The following IRGC variants were observed in gnomAD, a reference collection of about 807,000 sequenced individuals.
IRGC encodes immunity related GTPase cinema, also known as interferon-inducible GTPase 5.
IRGC carries 4 observed loss-of-function variants against 16.1 expected under a neutral mutation model. The ratio of observed to expected loss-of-function variants is 0.25; its 90% CI spans 0.12 to 0.57. IRGC has a LOEUF of 0.57. Ranked by LOEUF, IRGC falls within the 20% of genes least tolerant of loss-of-function variation. IRGC has a pLI of 0.92. For missense variants in IRGC, 570 were observed against 643.9 expected, an observed-to-expected ratio of 0.89 and a Z score of 1.24; for synonymous variants, 307 against 299.5, an observed-to-expected ratio of 1.03 and a Z score of -0.26.
At chr19:43,716,511 T>C (rs997765258) in intron 1 of IRGC, among the ~76,000 whole-genome samples, 5 of 152,152 alleles carry the variant, frequency 3.3e-5, no homozygotes, top group African/African-American at 1.2e-4. Flanking sequence ...CTAATTTTTG[T>C]ATTTTTAGTG....
intron 1 of IRGC, 39 bp from the exon 2 acceptor site, chr19:43,718,454 A>T: frequency 3.4e-6 from 5 of 1,485,872 alleles, no homozygotes; most frequent in Non-Finnish European, 4.5e-6. Flanking sequence ...CCCCATGCCA[A>T]GGCCCAGGAG....
Position 43,719,644 on chromosome 19 carries a change from G to A in IRGC, c.1086G>A (p.Glu362=). The part of the protein sequence containing the change: ...DGAMRVARAF[E]RGIPVFGTLV... Reference sequence around the variant, plus strand: ...CCATGCGGGTGGCCCGCGCCTTTGAGAGGGGCATCCCTGTGTTTGGGACGC... The same window carrying A: ...CCATGCGGGTGGCCCGCGCCTTTGAAAGGGGCATCCCTGTGTTTGGGACGC... Residue 362 remains glutamate (E), a synonymous_variant, in exon 2 of 2, where the codon GAG becomes GAA. Transcript: ENST00000244314. 1 of 1,607,442 alleles carries A rather than the reference G, an allele frequency of 6.2e-7. No individual in the cohort carries two copies. The highest frequency in any genetic ancestry group is 8.5e-7 in the Non-Finnish European group (1 of 1,179,964).
Position 43,718,399 on chromosome 19 carries a change from T to C in IRGC, c.-66-94T>C, listed in dbSNP as rs561223815. Reference sequence around the variant, plus strand: ...TTGAAGGAAAAAGAGAGCTGTGGGCTTCCAGGGCGACTCCCTTCACATCCG... The same window carrying C: ...TTGAAGGAAAAAGAGAGCTGTGGGCCTCCAGGGCGACTCCCTTCACATCCG... On this transcript the variant is annotated intron_variant, in intron 1 of 1. Coordinates refer to ENST00000244314, the MANE Select transcript of IRGC (RefSeq NM_019612.4). The C allele has an allele frequency of 4.5e-5, 62 of 1,369,936 alleles. No homozygotes were observed. The East Asian group carries it at 1.6e-3, about 35-fold the overall frequency. The allele number at this position is 1,369,936 out of a possible 1,614,324, so 84.9% of individuals were successfully genotyped here. A position where few individuals can be genotyped will look rare whatever the true frequency, so the allele number is the denominator to read the frequency against.
chr19:43,718,547 C>CCACT lies in IRGC; in HGVS notation c.-11_-8dup, dbSNP rs751205212. ...CCCCTGTCCCCCGCCACCCTCTGAA[C>CCACT]CACTGGCCACCATGGCTACTTCAAA... On this transcript the variant is annotated 5_prime_UTR_variant, in exon 2 of 2. Transcript: ENST00000244314. 2.9e-5 allele frequency: 45 copies of CCACT among 1,556,288 alleles called. 1 individual carries two copies. The African/African-American group carries it at 5.6e-4, about 19-fold the overall frequency.
rs775895444 is a variant in IRGC, at chr19:43,719,824, C to T, written c.1266C>T (p.Gly422=). Residue 422 remains glycine (G), a synonymous_variant, in exon 2 of 2, where the codon GGC becomes GGT. Coordinates refer to ENST00000244314, the MANE Select transcript of IRGC (RefSeq NM_019612.4). ...GCTTGGAAGTGGCCAGTGACAATGG[C>T]GTGGAAAAGGGGGGCTCCGGGGAGG... ...EVSLEVASDN[G]VEKGGSGEGG... 36 of 1,612,294 alleles carry T rather than the reference C, an allele frequency of 2.2e-5. No homozygotes were observed. The South Asian group carries it at 2.7e-4, about 12-fold the overall frequency.
Position 43,719,495 on chromosome 19 carries a change from G to T in IRGC, c.937G>T (p.Ala313Ser). ...CTTTGGTCTGGACGACGACTCGCTG[G>T]CCAAGCTGGCCGAGCAGGTGGGCAA... Reference protein sequence around the residue: ...RSFGLDDDSLAKLAEQVGKQA... With the variant: ...RSFGLDDDSLSKLAEQVGKQA... The change falls in exon 2 of 2, where the codon GCC (alanine) becomes TCC (serine). Residue 313 changes from alanine to serine, a missense_variant. Transcript: ENST00000244314. 1 of 1,603,840 alleles carries T rather than the reference G, an allele frequency of 6.2e-7. No individual in the cohort carries two copies. Among genetic ancestry groups the T allele is most frequent in the Admixed American group, 1.7e-5 (1 of 59,958 alleles).
rs772428142 is a variant in IRGC at position 43,719,412 on chromosome 19, T to A, written c.854T>A (p.Leu285Gln). ...GVIQALPVPG[L>Q]AAAYDDALLI... ...ATCCAGGCCCTGCCGGTCCCAGGGC[T>A]GGCGGCCGCCTACGATGATGCGTTG... is the stretch of plus-strand genomic sequence containing the variant. The change falls in exon 2 of 2, where the codon CTG (leucine) becomes CAG (glutamine). Residue 285 changes from leucine (L) to glutamine (Q), a missense_variant. By Grantham distance (113) the Leu-to-Gln change is moderately radical. Transcript: ENST00000244314. 1.9e-5 allele frequency: 30 copies of A among 1,607,268 alleles called. No individual in the cohort carries two copies. The highest frequency in any genetic ancestry group is 2.4e-5 in the Non-Finnish European group (28 of 1,175,782).
rs1313575235 is a variant in IRGC at position 43,718,480 on chromosome 19, T to A, written c.-66-13T>A. 1 of 1,503,792 alleles carries A rather than the reference T, an allele frequency of 6.6e-7. No individual in the cohort carries two copies. Among genetic ancestry groups the A allele is most frequent in the African/African-American group, 1.4e-5 (1 of 71,746 alleles). The allele number at this position is 1,503,792 out of a possible 1,614,324, so 93.2% of individuals were successfully genotyped here. On this transcript the variant is annotated splice_polypyrimidine_tract_variant and intron_variant, in intron 1 of 1. Coordinates refer to ENST00000244314, the MANE Select transcript of IRGC (RefSeq NM_019612.4). ...GGCCCAGGAGGTGTGAATGGCTCCC[T>A]TCTCCTCTGCAGGCGCTGAGGATCA... is the stretch of plus-strand genomic sequence containing the variant.
At chr19:43,716,299 C>A (rs1360599480) in intron 1 of IRGC, among the ~76,000 whole-genome samples, 157 bp downstream of exon 1, 3 of 152,168 alleles carry the variant, frequency 2.0e-5, no homozygotes, top group African/African-American at 7.2e-5. Flanking sequence ...CCACCGCAGA[C>A]CATACTAGGG....
rs765722335 is a variant in IRGC, at chr19:43,718,996, G to A, written c.438G>A (p.Gly146=). 5.0e-6 allele frequency: 8 copies of A among 1,612,168 alleles called. No homozygotes were observed. Among genetic ancestry groups the A allele is most frequent in the Non-Finnish European group, 6.8e-6 (8 of 1,179,640 alleles). ...TGCTGGTCTCCCCCCGCCGCTGCGG[G>A]GCCGTCGAGACCCGCCTGGCCGCTG... The part of the protein sequence containing the change: ...FFLLVSPRRC[G]AVETRLAAEI... Residue 146 remains glycine, a synonymous_variant, in exon 2 of 2, where the codon GGG becomes GGA. Coordinates refer to ENST00000244314, the MANE Select transcript of IRGC (RefSeq NM_019612.4).
rs762408219 is a variant in IRGC at position 43,719,701 on chromosome 19, C to T, written c.1143C>T (p.Val381=). ...CTGGCGGCATCAGCTTTGGCGCTGT[C>T]TACACCATGCTCCAGGGCTGCCTCA... ...LVAGGISFGA[V]YTMLQGCLNE... The change falls in exon 2 of 2, where the codon GTC becomes GTT. Residue 381 remains valine, a synonymous_variant. Coordinates refer to ENST00000244314, the MANE Select transcript of IRGC (RefSeq NM_019612.4). 8 of 1,612,390 alleles carry T rather than the reference C, an allele frequency of 5.0e-6. No individual in the cohort carries two copies. In the Admixed American group the frequency reaches 1.3e-4, roughly 27 times the overall value.
rs1205190367 is a variant in IRGC at position 43,719,429 on chromosome 19, G to A, written c.871G>A (p.Asp291Asn). The A allele has an allele frequency of 1.2e-6, 2 of 1,604,482 alleles. No individual in the cohort carries two copies. Among genetic ancestry groups the A allele is most frequent in the Non-Finnish European group, 1.7e-6 (2 of 1,174,660 alleles). ...PVPGLAAAYD[D>N]ALLIHSLRGY... is the part of the protein sequence containing the mutation. ...CCCAGGGCTGGCGGCCGCCTACGAT[G>A]ATGCGTTGCTCATCCACTCACTGCG... is the stretch of plus-strand genomic sequence containing the variant. Residue 291 changes from aspartate to asparagine, a missense_variant, in exon 2 of 2, where the codon GAT becomes AAT. Coordinates refer to ENST00000244314, the MANE Select transcript of IRGC (RefSeq NM_019612.4).
chr19:43,716,727 G>A (rs1022817757), intron 1 of IRGC, among the ~76,000 whole-genome samples: 15 of 152,258 alleles, frequency 9.9e-5, no homozygotes, highest in African/African-American at 3.6e-4. Context: ...GAGACGGGGT[G>A]CAGGGGGCAA....
At position 43,719,785 on chromosome 19, in the gene IRGC, G is replaced by A. The variant is rs537168806; in HGVS notation, c.1227G>A (p.Pro409=). ...TCAAGGCCCTGGAGGATGACGAGCC[G>A]CAGCCGGAGGTCAGCTTGGAAGTGG... The part of the protein sequence containing the change: ...VRIKALEDDE[P]QPEVSLEVAS... The change falls in exon 2 of 2, where the codon CCG becomes CCA. Residue 409 remains proline, a synonymous_variant. Coordinates refer to ENST00000244314, the MANE Select transcript of IRGC (RefSeq NM_019612.4). 2.9e-5 allele frequency: 47 copies of A among 1,613,938 alleles called. No individual in the cohort carries two copies. Among genetic ancestry groups the A allele is most frequent in the East Asian group, 2.9e-4 (13 of 44,872 alleles).
chr19:43,718,611 T>A lies in IRGC; in HGVS notation c.53T>A (p.Leu18His), dbSNP rs149062378. ...CCTGGGGAGGAGGAAAACACCATCC[T>A]TATGGCCAAGGAAAGGCTGGAGGCC... ...VVPGEEENTI[L>H]MAKERLEALR... The change falls in exon 2 of 2, where the codon CTT becomes CAT. Residue 18 changes from leucine to histidine, a missense_variant. By Grantham distance (99) the Leu-to-His change is moderately conservative. Coordinates refer to ENST00000244314, the MANE Select transcript of IRGC (RefSeq NM_019612.4). The A allele has an allele frequency of 6.2e-7, 1 of 1,610,362 alleles. No individual in the cohort carries two copies. The highest frequency in any genetic ancestry group is 1.3e-5 in the African/African-American group (1 of 74,842).
Position 43,719,453 on chromosome 19 carries a change from C to T in IRGC, c.895C>T (p.Arg299Cys), listed in dbSNP as rs184064504. The T allele has an allele frequency of 5.0e-6, 8 of 1,601,962 alleles. No individual in the cohort carries two copies. In the East Asian group the frequency reaches 9.0e-5, roughly 18 times the overall value. ...TGATGCGTTGCTCATCCACTCACTG[C>T]GTGGCTACCACCGCAGCTTTGGTCT... ...YDDALLIHSL[R>C]GYHRSFGLDD... The change falls in exon 2 of 2, where the codon CGT becomes TGT. Residue 299 changes from arginine to cysteine, a missense_variant. Transcript: ENST00000244314.
rs535834239 is a variant in IRGC, at chr19:43,719,887, G to A, written c.1329G>A (p.Lys443=). ...AAGCCCCACTCTCAACCTGCAGGAA[G>A]CTCGGCCTCCTTCTTAAGTACATTC... ...GEEAPLSTCR[K]LGLLLKYILD... The change falls in exon 2 of 2, where the codon AAG becomes AAA. Residue 443 remains lysine, a synonymous_variant. Transcript: ENST00000244314. The A allele has an allele frequency of 2.0e-4, 326 of 1,613,974 alleles. 1 individual carries two copies. Among genetic ancestry groups the A allele is most frequent in the Middle Eastern group, 4.9e-4 (3 of 6,062 alleles).
Position 43,718,579 on chromosome 19 carries a change from C to T in IRGC, c.21C>T (p.Pro7=), listed in dbSNP as rs751405846. ...CCACCATGGCTACTTCAAAGTTGCC[C>T]GTGGTGCCTGGGGAGGAGGAAAACA... is the stretch of plus-strand genomic sequence containing the variant. MATSKL[P]VVPGEEENTI... Residue 7 remains proline (P), a synonymous_variant, in exon 2 of 2, where the codon CCC becomes CCT. Coordinates refer to ENST00000244314, the MANE Select transcript of IRGC (RefSeq NM_019612.4). 21 of 1,582,308 alleles carry T rather than the reference C, an allele frequency of 1.3e-5. No individual in the cohort carries two copies. Among genetic ancestry groups the T allele is most frequent in the Non-Finnish European group, 1.7e-5 (20 of 1,162,046 alleles).
At chr19:43,717,299 G>A (rs891685324) in intron 1 of IRGC, among the ~76,000 whole-genome samples, 1 of 152,200 alleles carries the variant, frequency 6.6e-6, no homozygotes, top group African/African-American at 2.4e-5. Flanking sequence ...GGCTCAGACA[G>A]GGCGAGGACT....
Sources: gnomAD v4.1 joint callset for allele counts (sites outside exome capture counted in the v4.1 genomes callset) on GRCh38, gnomAD v4.1.1 for gene constraint, MANE v1.5 for transcripts, NCBI Gene and HGNC (gene_info 2026-07-23, HGNC 2026-07-21) for gene names.